The following WRN variants were observed in gnomAD, a reference collection of about 807,000 sequenced individuals.
WRN encodes the protein WRN RecQ like helicase, also known as bifunctional 3'-5' exonuclease/ATP-dependent helicase WRN.
In WRN, 149 loss-of-function variants were observed where a neutral mutation model predicts 180.7. The observed-to-expected ratio is 0.82, with a 90% CI of 0.72 to 0.94. The LOEUF (loss-of-function observed/expected upper bound fraction) is 0.94. WRN is among the 40% of genes least tolerant of loss of function. The pLI, the probability that WRN is intolerant of heterozygous loss-of-function variation, is 0.00. For synonymous variants in WRN, 548 were observed against 568.9 expected, an observed-to-expected ratio of 0.96 and a Z score of 0.52; for missense variants, 1,661 against 1,700.1, an observed-to-expected ratio of 0.98 and a Z score of 0.40.
chr8:31,091,964 G>A (rs567363372), intron 16 of WRN, 66 bp downstream of exon 16: 38 of 1,408,282 alleles, frequency 2.7e-5, no homozygotes, highest in African/African-American at 2.8e-5. Context: ...AGTTTGTTAC[G>A]TGGGTGAATT....
intron 21 of WRN, among the ~76,000 whole-genome samples, chr8:31,121,666 A>C (rs1484439667): frequency 2.6e-5 from 4 of 151,996 alleles, no homozygotes; most frequent in Non-Finnish European, 5.9e-5. Flanking sequence ...TTCCCAAGTT[A>C]AAAAGGTCAG....
intron 33 of WRN, among the ~76,000 whole-genome samples, chr8:31,165,248 A>G (rs1801999039): frequency 6.6e-6 from 1 of 152,060 alleles, no homozygotes; most frequent in Admixed American, 6.6e-5. Context: ...TATAAATATT[A>G]CATTTATAGT....
rs776785728 is a variant in WRN, at chr8:31,065,057, TAA to T, written c.502_503del (p.Lys168AlafsTer10). ...NFVELTDVANKKLKCTETWSL... is the reference protein window; with the variant it reads ...NFVELTDVANXKLKCTETWSL... ...TTGTGGAGTTGACAGATGTTGCCAA[TAA>T]AAAGGTAAAAGCAATATATATATAA... On this transcript the variant is annotated frameshift_variant, in exon 5 of 35. Transcript: ENST00000298139. LOFTEE classifies it high-confidence loss of function. 13 of 1,612,750 alleles carry T rather than the reference TAA, an allele frequency of 8.1e-6. No individual in the cohort carries two copies. In the East Asian group the frequency reaches 2.7e-4, roughly 33 times the overall value.
At position 31,175,566 on chromosome 8, in the gene WRN, A is replaced by G. The variant is rs2130537015; in HGVS notation, c.*2464A>G. On this transcript the variant is annotated 3_prime_UTR_variant, in exon 35 of 35. Transcript: ENST00000298139. ...ATATAGTTTCAGATTACACACTGCA[A>G]CTAATCTTTAAGAAACTATTACTTG... 6.6e-6 allele frequency among the ~76,000 whole-genome samples: 1 copy of G among 152,386 alleles called. No individual in the cohort carries two copies. The highest frequency in any genetic ancestry group is 2.1e-4 in the South Asian group (1 of 4,834).
intron 1 of WRN, among the ~76,000 whole-genome samples, chr8:31,041,930 A>G (rs1811675241): frequency 6.6e-6 from 1 of 152,198 alleles, no homozygotes; most frequent in Admixed American, 6.5e-5. Flanking sequence ...GGAGATAGTA[A>G]TAAAGCCAGA....
At chr8:31,063,897 A>AT (rs1258100680) in intron 3 of WRN, among the ~76,000 whole-genome samples, 61 of 146,060 alleles carry the variant, frequency 4.2e-4, no homozygotes, top group African/African-American at 5.2e-4. Context: ...CTAATTTTTA[A>AT]TTTTTTTTTT....
intron 1 of WRN, among the ~76,000 whole-genome samples, chr8:31,041,617 T>C (rs1212779788): frequency 6.6e-6 from 1 of 152,232 alleles, no homozygotes; most frequent in Non-Finnish European, 1.5e-5. Context: ...TTTTGATTGC[T>C]TCTAGTGAAA....
chr8:31,074,714 G>A (rs1485086374), intron 7 of WRN, among the ~76,000 whole-genome samples: 4 of 152,106 alleles, frequency 2.6e-5, no homozygotes, highest in African/African-American at 7.2e-5. Flanking sequence ...TAGAGGTTTT[G>A]CCACGTAATT....
rs1223858716 is a variant in WRN at position 31,059,249 on chromosome 8, C to T, written c.193C>T (p.Leu65=). The T allele has an allele frequency of 1.2e-6, 2 of 1,613,274 alleles. No individual in the cohort carries two copies. The highest frequency in any genetic ancestry group is 1.7e-6 in the Non-Finnish European group (2 of 1,179,398). Residue 65 remains leucine (L), a synonymous_variant, in exon 3 of 35, where the codon CTG becomes TTG. Coordinates refer to ENST00000298139, the MANE Select transcript of WRN (RefSeq NM_000553.6). ...YSYDASDCSF[L]SEDISMSLSD... ...TTACGATGCTAGTGATTGCTCTTTCCTGTCAGAAGATATTAGGTAAGTGAT... is the reference window on the plus strand; with the variant it reads ...TTACGATGCTAGTGATTGCTCTTTCTTGTCAGAAGATATTAGGTAAGTGAT...
In WRN at chr8:31,087,828, T is replaced by G; in HGVS notation, c.1484T>G (p.Leu495Ter). ...GTVEPTHSKC[L>*]KMERNLGLPT... ...GTAGAACCAACTCATTCTAAATGCT[T>G]AAAAATGGAAAGAAATCTGGGTCTT... Residue 495 changes from leucine to a stop codon, truncating the protein, a stop_gained, in exon 12 of 35, where the codon TTA becomes TGA. Coordinates refer to ENST00000298139, the MANE Select transcript of WRN (RefSeq NM_000553.6). LOFTEE classifies it high-confidence loss of function. The G allele has an allele frequency of 6.2e-7, 1 of 1,613,686 alleles. No homozygotes were observed.
At chr8:31,152,423 T>C (rs1200620463) in intron 31 of WRN, among the ~76,000 whole-genome samples, 2 of 152,118 alleles carry the variant, frequency 1.3e-5, no homozygotes, top group Non-Finnish European at 2.9e-5. Flanking sequence ...ACAGGGTAGT[T>C]AGAAAATATC....
In WRN at chr8:31,085,194, A is replaced by G. The variant is rs1315461183; in HGVS notation, c.1379A>G (p.Asp460Gly). 4.3e-6 allele frequency: 7 copies of G among 1,613,084 alleles called. No homozygotes were observed. The highest frequency in any genetic ancestry group is 5.9e-6 in the Non-Finnish European group (7 of 1,179,414). ...TTATCTCCCAATGATAATGAAAACG[A>G]TACGTCCTATGTAATTGAGAGTGAT... is the stretch of plus-strand genomic sequence containing the variant. ...KHLSPNDNEN[D>G]TSYVIESDED... Residue 460 changes from aspartate (D) to glycine (G), a missense_variant, in exon 11 of 35, where the codon GAT (aspartate) becomes GGT (glycine). Physicochemically the swap from Asp to Gly is moderately conservative, Grantham distance 94. Transcript: ENST00000298139.
At chr8:31,108,258 A>G (rs1801172185) in intron 18 of WRN, among the ~76,000 whole-genome samples, 1 of 152,238 alleles carries the variant, frequency 6.6e-6, no homozygotes, top group Non-Finnish European at 1.5e-5. Flanking sequence ...AAAGAGTTCA[A>G]GCTATTAATA....
chr8:31,042,422 A>G (rs1811695085), intron 1 of WRN, among the ~76,000 whole-genome samples: 1 of 152,224 alleles, frequency 6.6e-6, no homozygotes, highest in Non-Finnish European at 1.5e-5. Context: ...CTCAACTCAA[A>G]TACCATCAAT....
At chr8:31,065,883 T>C (rs1447411006) in intron 5 of WRN, among the ~76,000 whole-genome samples, 17 of 150,832 alleles carry the variant, frequency 1.1e-4, no homozygotes, top group African/African-American at 2.9e-4. Flanking sequence ...CTTTTCTTTT[T>C]TTTTTTTTTT....
chr8:31,113,459 G>A (rs994389122), intron 19 of WRN, among the ~76,000 whole-genome samples: 2 of 152,150 alleles, frequency 1.3e-5, no homozygotes, highest in African/African-American at 4.8e-5. Flanking sequence ...AGTGCTCTCT[G>A]AAGTGAGTAC....
chr8:31,147,184 T>C, intron 29 of WRN, 56 bp downstream of exon 29: 1 of 1,555,280 alleles, frequency 6.4e-7, no homozygotes, highest in Non-Finnish European at 8.9e-7. Context: ...TGATTCTATG[T>C]ATGCTTAAAA....
In WRN at chr8:31,085,069, G is replaced by A. The variant is rs1813474197; in HGVS notation, c.1351-97G>A. The A allele has an allele frequency of 1.1e-5, 12 of 1,099,818 alleles. No individual in the cohort carries two copies. In the South Asian group the frequency reaches 1.5e-4, roughly 14 times the overall value. 68.1% of individuals were successfully genotyped at this position (1,099,818 alleles called of 1,614,324 possible). A position where few individuals can be genotyped will look rare whatever the true frequency, so the allele number is the denominator to read the frequency against. On this transcript the variant is annotated intron_variant, in intron 10 of 34. Coordinates refer to ENST00000298139, the MANE Select transcript of WRN (RefSeq NM_000553.6). ...TATATCCATTAGGGAAGAGGAAGCTGTCTAAAGATATCTAGTATATAGGAG... is the reference window on the plus strand; with the variant it reads ...TATATCCATTAGGGAAGAGGAAGCTATCTAAAGATATCTAGTATATAGGAG...
rs751843882 is a variant in WRN, at chr8:31,141,772, C to T, written c.3230C>T (p.Pro1077Leu). The T allele has an allele frequency of 2.5e-5, 41 of 1,613,528 alleles. 1 individual carries two copies. In the South Asian group the frequency reaches 4.4e-4, roughly 17 times the overall value. Reference sequence around the variant, plus strand: ...TTGTGTCCAAAGAAGTTGCTTCTGCCTAGGTTCATTTTTCAGTTTTTTTCT... The same window carrying T: ...TTGTGTCCAAAGAAGTTGCTTCTGCTTAGGTTCATTTTTCAGTTTTTTTCT... ...EELCPKKLLL[P>L]SSKTVSSGTK... Residue 1077 changes from proline (P) to leucine (L), a missense_variant, in exon 26 of 35, where the codon CCT (proline) becomes CTT (leucine). Pro to Leu is a moderately conservative substitution (Grantham distance 98). Around this residue, in one of 3 missense-constraint regions of WRN, gnomAD observed 1,141 missense variants for 1,149.4 expected, o/e 0.99. Coordinates refer to ENST00000298139, the MANE Select transcript of WRN (RefSeq NM_000553.6).
Sources: allele counts gnomAD v4.1 joint callset (sites outside exome capture counted in the v4.1 genomes callset), GRCh38; gene constraint gnomAD v4.1.1; regional missense constraint gnomAD v4.1.1; transcripts MANE v1.5; gene names NCBI Gene and HGNC (gene_info 2026-07-23, HGNC 2026-07-21).